CAMK1D: variants seen among roughly 807,000 people sequenced by gnomAD.
CAMK1D encodes calcium/calmodulin dependent protein kinase ID, also known as calcium/calmodulin-dependent protein kinase type 1D.
In CAMK1D, 9 loss-of-function variants were observed where a neutral mutation model predicts 47.7. The observed-to-expected ratio is 0.19, with a 90% CI of 0.11 to 0.33. CAMK1D has a LOEUF of 0.33. Among genes scored for constraint, CAMK1D ranks in the 10% least tolerant of loss-of-function variants. The pLI is 1.00. For missense variants in CAMK1D, 291 were observed against 488.7 expected, an observed-to-expected ratio of 0.60 and a Z score of 3.81; for synonymous variants, 184 against 184.9, an observed-to-expected ratio of 0.99 and a Z score of 0.04.
At chr10:12,644,211 G>A (rs1839753858) in intron 2 of CAMK1D, among the ~76,000 whole-genome samples, 1 of 152,104 alleles carries the variant, frequency 6.6e-6, no homozygotes, top group Non-Finnish European at 1.5e-5. Context: ...TAAACTTCCC[G>A]CCCTATGGTC....
intron 2 of CAMK1D, among the ~76,000 whole-genome samples, chr10:12,626,232 A>AT (rs1372281773): frequency 3.3e-5 from 5 of 152,336 alleles, no homozygotes; most frequent in Admixed American, 6.5e-5. Context: ...TACAAATAAC[A>AT]TTAACAATAA....
At chr10:12,664,053 C>T (rs144192862) in intron 2 of CAMK1D, among the ~76,000 whole-genome samples, 1 of 152,200 alleles carries the variant, frequency 6.6e-6, no homozygotes, top group African/African-American at 2.4e-5. Flanking sequence ...CTCATTCCAG[C>T]TCAACTCCCA....
At chr10:12,458,287 G>C (rs536520741) in intron 1 of CAMK1D, among the ~76,000 whole-genome samples, 1 of 152,234 alleles carries the variant, frequency 6.6e-6, no homozygotes, top group African/African-American at 2.4e-5. Context: ...AAGGTGATTA[G>C]TGAGGAAGAG....
intron 6 of CAMK1D, among the ~76,000 whole-genome samples, chr10:12,807,533 C>T (rs60596487): frequency 6.6e-6 from 1 of 151,964 alleles, no homozygotes; most frequent in African/African-American, 2.4e-5. Flanking sequence ...CCTCTCTCCT[C>T]CTCACCCTGC....
At chr10:12,601,090 A>G (rs534525921) in intron 2 of CAMK1D, among the ~76,000 whole-genome samples, 5 of 152,162 alleles carry the variant, frequency 3.3e-5, no homozygotes, top group African/African-American at 4.8e-5. Flanking sequence ...GGTGGTAGAC[A>G]TGAGTGCAGG....
intron 2 of CAMK1D, among the ~76,000 whole-genome samples, chr10:12,655,335 G>A (rs1469564073): frequency 6.6e-6 from 1 of 152,114 alleles, no homozygotes; most frequent in Non-Finnish European, 1.5e-5. Flanking sequence ...CCACCCCCAT[G>A]ACTTGAACAC....
intron 1 of CAMK1D, among the ~76,000 whole-genome samples, chr10:12,536,436 A>G (rs901908756): frequency 1.3e-5 from 2 of 152,020 alleles, no homozygotes; most frequent in African/African-American, 4.8e-5. Context: ...ACACCACCAC[A>G]CCTAGATAAT....
chr10:12,430,735 GTGA>G (rs757039237), intron 1 of CAMK1D, among the ~76,000 whole-genome samples: 106 of 151,662 alleles, frequency 7.0e-4, no homozygotes, highest in African/African-American at 1.9e-3. Context: ...GTGCATACAT[GTGA>G]TGATGATGAT....
At chr10:12,415,202 T>TC (rs1221583827) in intron 1 of CAMK1D, among the ~76,000 whole-genome samples, 4 of 112,816 alleles carry the variant, frequency 3.5e-5, no homozygotes, top group African/African-American at 1.1e-4. Flanking sequence ...ATGTGATATT[T>TC]CTTTTTAAAA....
chr10:12,757,687 A>G (rs889066530), intron 3 of CAMK1D, among the ~76,000 whole-genome samples: 1 of 152,132 alleles, frequency 6.6e-6, no homozygotes, highest in Admixed American at 6.5e-5. Flanking sequence ...ACAGTTCTGG[A>G]GGCTGGACGT....
chr10:12,675,133 A>G (rs1045494047), intron 3 of CAMK1D, among the ~76,000 whole-genome samples: 8 of 152,212 alleles, frequency 5.3e-5, no homozygotes, highest in African/African-American at 1.9e-4. Context: ...CTTAGGAAGT[A>G]AAATAAACTT....
In CAMK1D at chr10:12,514,364, G is replaced by A. The variant is rs115371904; in HGVS notation, c.93-38861G>A. Among the ~76,000 whole-genome samples the A allele has an allele frequency of 8.5e-3, 1,294 of 152,246 alleles. 16 individuals carry two copies. The highest frequency in any genetic ancestry group is 0.03 in the African/African-American group (1,231 of 41,530). ...CCACATTTGGAAGTGTGTGCATCAAGTAAATAAAAATTTCTAAGGTAGCAC... is the reference window on the plus strand; with the variant it reads ...CCACATTTGGAAGTGTGTGCATCAAATAAATAAAAATTTCTAAGGTAGCAC... On this transcript the variant is annotated intron_variant, in intron 1 of 10. Coordinates refer to ENST00000619168, the MANE Select transcript of CAMK1D (RefSeq NM_153498.4).
At chr10:12,646,332 A>T (rs942434247) in intron 2 of CAMK1D, among the ~76,000 whole-genome samples, 1 of 152,240 alleles carries the variant, frequency 6.6e-6, no homozygotes, top group African/African-American at 2.4e-5. Context: ...ACAAATTTTT[A>T]CAAATCTTGT....
At chr10:12,372,729 G>C (rs893860376) in intron 1 of CAMK1D, among the ~76,000 whole-genome samples, 2 of 152,128 alleles carry the variant, frequency 1.3e-5, no homozygotes, top group African/African-American at 2.4e-5. Flanking sequence ...CCTGGATTCA[G>C]GTGATCCTCA....
intron 1 of CAMK1D, among the ~76,000 whole-genome samples, chr10:12,394,017 C>T (rs995814228): frequency 6.6e-6 from 1 of 152,346 alleles, no homozygotes; most frequent in East Asian, 1.9e-4. Flanking sequence ...ACCCCCTCCG[C>T]TTCAGACGCC....
At position 12,471,903 on chromosome 10, in the gene CAMK1D, T is replaced by C. The variant is rs190523583; in HGVS notation, c.93-81322T>C. Among the ~76,000 whole-genome samples the C allele has an allele frequency of 3.4e-4, 51 of 151,594 alleles. 1 individual carries two copies. The East Asian group carries it at 6.8e-3, about 20-fold the overall frequency. On this transcript the variant is annotated intron_variant, in intron 1 of 10. Transcript: ENST00000619168. Reference sequence around the variant, plus strand: ...CAAAAAAATTAGCAGGGCTTGGTGGTGCGTACCTGTTGTCCCAGCTACTCT... The same window carrying C: ...CAAAAAAATTAGCAGGGCTTGGTGGCGCGTACCTGTTGTCCCAGCTACTCT...
intron 2 of CAMK1D, among the ~76,000 whole-genome samples, chr10:12,594,035 G>T (rs1838073536): frequency 6.6e-6 from 1 of 152,170 alleles, no homozygotes; most frequent in Non-Finnish European, 1.5e-5. Context: ...AATTAGCCTG[G>T]CGTGGTGGCA....
At chr10:12,476,397 C>T (rs1833903999) in intron 1 of CAMK1D, among the ~76,000 whole-genome samples, 1 of 152,036 alleles carries the variant, frequency 6.6e-6, no homozygotes, top group Non-Finnish European at 1.5e-5. Flanking sequence ...TGAGAGACCA[C>T]AGAGCATGCA....
intron 1 of CAMK1D, among the ~76,000 whole-genome samples, chr10:12,545,194 A>G (rs1836321570): frequency 6.6e-6 from 1 of 152,256 alleles, no homozygotes; most frequent in Non-Finnish European, 1.5e-5. Context: ...TGAGGGCATC[A>G]TTCTGCGTAG....
Sources: gnomAD v4.1 joint callset for allele counts (sites outside exome capture counted in the v4.1 genomes callset) on GRCh38, gnomAD v4.1.1 for gene constraint, MANE v1.5 for transcripts, NCBI Gene and HGNC (gene_info 2026-07-23, HGNC 2026-07-21) for gene names.